The following DMD variants were observed in gnomAD, a reference collection of about 807,000 sequenced individuals.
DMD encodes the protein dystrophin.
A neutral mutation model predicts 330.1 loss-of-function variants in DMD; 63 were observed. The ratio of observed to expected loss-of-function variants is 0.19; its 90% CI spans 0.16 to 0.24. The LOEUF (loss-of-function observed/expected upper bound fraction) is 0.24, where lower values mean the gene tolerates loss of function less well. DMD is among the 10% of genes least tolerant of loss of function. The pLI, the probability that DMD is intolerant of heterozygous loss-of-function variation, is 1.00. For missense variants in DMD, 3,344 were observed against 2,684.1 expected (o/e 1.25, Z -5.43); for synonymous variants, 1,223 against 959.8 (o/e 1.27, Z -5.07).
chrX:32,068,406 T>C (rs937486515), intron 44 of DMD, among the ~76,000 whole-genome samples: 3 of 105,467 alleles, frequency 2.8e-5, no homozygotes, highest in Middle Eastern at 4.3e-3. Context: ...TGCAATTGCT[T>C]TTAAGGACTT....
At chrX:33,322,167 A>G (rs1394266986) in intron 1 of DMD, among the ~76,000 whole-genome samples, 1 of 111,522 alleles carries the variant, frequency 9.0e-6, no homozygotes, top group East Asian at 2.8e-4. Context: ...CACCTTGACT[A>G]ACTGTCTGGT....
chrX:32,630,334 T>C (rs5971647), intron 11 of DMD, among the ~76,000 whole-genome samples: 97 of 110,998 alleles, frequency 8.7e-4, no homozygotes, highest in Non-Finnish European at 1.6e-3. Flanking sequence ...TTTTTTTTTT[T>C]ATATGATTAC....
At chrX:32,109,878 TA>T (rs2096581688) in intron 44 of DMD, among the ~76,000 whole-genome samples, 2 of 111,721 alleles carry the variant, frequency 1.8e-5, no homozygotes, top group African/African-American at 6.5e-5. Flanking sequence ...TTTCTTAAAA[TA>T]TTTTTTTTAT....
At chrX:32,730,455 T>C (rs781635846) in intron 7 of DMD, among the ~76,000 whole-genome samples, 3 of 112,194 alleles carry the variant, frequency 2.7e-5, no homozygotes, top group Admixed American at 9.4e-5. Flanking sequence ...CAAAAACAAT[T>C]TGAATGTTTA....
chrX:32,309,028 A>G lies in DMD; in HGVS notation c.6117+1054T>C, dbSNP rs755425586. On this transcript the variant is annotated intron_variant, in intron 42 of 78. Transcript: ENST00000357033. ...ATTTGACTTTTACTTCAAACAGAAT[A>G]AGAAACAGTGCCACACTGACATGGA... 3.6e-5 allele frequency among the ~76,000 whole-genome samples: 4 copies of G among 111,350 alleles called. No homozygotes were observed. In the East Asian group the frequency reaches 1.1e-3, roughly 32 times the overall value.
At chrX:32,887,770 A>AAAAAAAC (rs1557117378) in intron 2 of DMD, among the ~76,000 whole-genome samples, 1,018 of 70,241 alleles carry the variant, frequency 0.014, 104 homozygotes, top group Non-Finnish European at 0.022. Flanking sequence ...AAAAAAAAAA[A>AAAAAAAC]AAAAAACATC....
chrX:32,348,444 C>T lies in DMD; in HGVS notation c.5410G>A (p.Gly1804Arg), dbSNP rs753348797. ...LEPLEAEIQQ[G>R]VNLKEEDFNK... ...AAGTCTTCCTCTTTCAGATTCACCC[C>T]CTGCTGAATTTCAGCCTCCAGTGGT... is the stretch of plus-strand genomic sequence containing the variant. Residue 1804 changes from glycine (G) to arginine (R), a missense_variant, in exon 38 of 79, where the codon GGG (glycine) becomes AGG (arginine). Transcript: ENST00000357033. 1.7e-6 allele frequency: 2 copies of T among 1,207,814 alleles called. No homozygotes were observed. The highest frequency in any genetic ancestry group is 2.2e-6 in the Non-Finnish European group (2 of 892,506).
intron 7 of DMD, among the ~76,000 whole-genome samples, chrX:32,723,384 T>A (rs1449638333): frequency 9.0e-6 from 1 of 111,525 alleles, no homozygotes; most frequent in Non-Finnish European, 1.9e-5. Context: ...ATATATTTTC[T>A]TCTCTTGCGG....
intron 2 of DMD, among the ~76,000 whole-genome samples, chrX:32,943,687 C>A (rs1393710321): frequency 9.0e-6 from 1 of 111,708 alleles, no homozygotes; most frequent in Non-Finnish European, 1.9e-5. Flanking sequence ...CCTGGAAATG[C>A]AATTGCTTAG....
At chrX:32,625,656 T>C (rs1458880814) in intron 11 of DMD, among the ~76,000 whole-genome samples, 2 of 112,473 alleles carry the variant, frequency 1.8e-5, no homozygotes, top group Non-Finnish European at 3.8e-5. Flanking sequence ...TATTTGATGG[T>C]CCTAATAGCA....
chrX:32,699,077 C>T (rs1383252624), intron 8 of DMD, 35 bp downstream of exon 8: 1 of 1,163,148 alleles, frequency 8.6e-7, no homozygotes, highest in African/African-American at 1.8e-5. Context: ...AAACAGAAAA[C>T]ATCTTGAATA....
chrX:31,777,169 C>T (rs1282291227), intron 50 of DMD, among the ~76,000 whole-genome samples: 1 of 111,673 alleles, frequency 9.0e-6, no homozygotes, highest in Non-Finnish European at 1.9e-5. Context: ...AACAGCCACC[C>T]ATTAGAATGG....
intron 13 of DMD, among the ~76,000 whole-genome samples, chrX:32,595,448 T>A (rs1039836045): frequency 1.1e-4 from 12 of 111,413 alleles, no homozygotes; most frequent in African/African-American, 3.9e-4. Context: ...CTTAGAAAAA[T>A]GTCTGCATTT....
intron 7 of DMD, among the ~76,000 whole-genome samples, chrX:32,719,985 T>C (rs56700247): frequency 3.4e-4 from 37 of 107,743 alleles, no homozygotes; most frequent in African/African-American, 1.3e-3. Context: ...TATATATATA[T>C]ATACACACAC....
intron 27 of DMD, 59 bp downstream of exon 27, chrX:32,448,397 G>A: frequency 2.6e-6 from 3 of 1,156,392 alleles, no homozygotes; most frequent in Non-Finnish European, 2.4e-6. Context: ...TAACCACTAT[G>A]CCTCACATAT....
At chrX:33,111,307 A>T (rs2095337708) in intron 1 of DMD, among the ~76,000 whole-genome samples, 1 of 111,951 alleles carries the variant, frequency 8.9e-6, no homozygotes, top group Non-Finnish European at 1.9e-5. Flanking sequence ...AGGGAATTCT[A>T]CTATTAAGTA....
chrX:32,501,911 C>G, intron 18 of DMD, 69 bp from the exon 19 acceptor site: 1 of 831,027 alleles, frequency 1.2e-6, no homozygotes, highest in Non-Finnish European at 1.8e-6. Flanking sequence ...ATTATAACTT[C>G]TACTTGCCCT....
At chrX:32,664,265 G>C (rs770013223) in intron 9 of DMD, among the ~76,000 whole-genome samples, 1 of 85,182 alleles carries the variant, frequency 1.2e-5, no homozygotes, top group African/African-American at 4.4e-5. Flanking sequence ...TTTTTGAGAT[G>C]GAGTCTCGCT....
intron 62 of DMD, among the ~76,000 whole-genome samples, chrX:31,284,740 A>G (rs139549596): frequency 0.033 from 3,488 of 107,223 alleles, 60 homozygotes; most frequent in Non-Finnish European, 0.043. Context: ...CTGGCCAAGA[A>G]CTGTTTCTTT....
Sources: allele counts gnomAD v4.1 joint callset (sites outside exome capture counted in the v4.1 genomes callset), GRCh38; gene constraint gnomAD v4.1.1; transcripts MANE v1.5; gene names NCBI Gene and HGNC (gene_info 2026-07-23, HGNC 2026-07-21).